The following RERE variants were observed in gnomAD, a reference collection of about 807,000 sequenced individuals.
The protein encoded by RERE is arginine-glutamic acid dipeptide repeats protein.
Under a neutral mutation model 146.1 loss-of-function variants are expected in RERE, and 40 were observed. The ratio of observed to expected loss-of-function variants is 0.27; its 90% CI spans 0.21 to 0.36. RERE has a LOEUF of 0.36. Ranked by LOEUF, RERE falls within the 10% of genes least tolerant of loss-of-function variation. The pLI is 1.00. For missense variants in RERE, 1,933 were observed against 2,138.7 expected, an observed-to-expected ratio of 0.90 and a Z score of 1.90; for synonymous variants, 1,003 against 866.0, an observed-to-expected ratio of 1.16 and a Z score of -2.78.
intron 4 of RERE, 63 bp from the exon 5 acceptor site, chr1:8,557,586 AC>A: frequency 9.6e-7 from 1 of 1,038,016 alleles, no homozygotes; most frequent in Non-Finnish European, 1.5e-6. Context: ...TGCATATCAT[AC>A]CCATGACCAA....
chr1:8,720,565 G>A (rs1639844688), intron 1 of RERE, among the ~76,000 whole-genome samples: 1 of 152,170 alleles, frequency 6.6e-6, no homozygotes, highest in Non-Finnish European at 1.5e-5. Context: ...ACGAGCAAGA[G>A]AGAGCAAGCG....
At chr1:8,607,725 C>CT (rs35349056) in intron 4 of RERE, among the ~76,000 whole-genome samples, 54,121 of 92,816 alleles carry the variant, frequency 0.58, 16,731 homozygotes, top group East Asian at 0.75. Context: ...CCATATCTGG[C>CT]TTTTTTTTTT....
intron 6 of RERE, among the ~76,000 whole-genome samples, chr1:8,541,625 C>A (rs1289918774): frequency 6.6e-6 from 1 of 151,972 alleles, no homozygotes; most frequent in Non-Finnish European, 1.5e-5. Context: ...AAAATTAAAA[C>A]CATTGTGAAT....
intron 1 of RERE, among the ~76,000 whole-genome samples, chr1:8,787,813 A>G (rs1641285576): frequency 2.1e-5 from 3 of 144,098 alleles, no homozygotes; most frequent in South Asian, 4.5e-4. Flanking sequence ...CCAGGGCAAC[A>G]GAGGAAGACT....
intron 7 of RERE, among the ~76,000 whole-genome samples, chr1:8,509,489 G>T (rs1025201573): frequency 6.6e-6 from 1 of 152,066 alleles, no homozygotes; most frequent in Non-Finnish European, 1.5e-5. Flanking sequence ...TATAAGCCAG[G>T]AATTGTCCTA....
At chr1:8,474,505 C>T (rs930462191) in intron 10 of RERE, among the ~76,000 whole-genome samples, 3 of 152,180 alleles carry the variant, frequency 2.0e-5, no homozygotes, top group Non-Finnish European at 4.4e-5. Context: ...ATAAACTCTG[C>T]GTATTACCAC....
chr1:8,794,634 T>A (rs1195431154), intron 1 of RERE, among the ~76,000 whole-genome samples: 1 of 152,088 alleles, frequency 6.6e-6, no homozygotes, highest in Non-Finnish European at 1.5e-5. Context: ...AGATGGCTCA[T>A]GCCTGTAATC....
chr1:8,765,861 A>G (rs1640835798), intron 1 of RERE, among the ~76,000 whole-genome samples: 1 of 152,234 alleles, frequency 6.6e-6, no homozygotes, highest in African/African-American at 2.4e-5. Context: ...CTGAGGCAAG[A>G]GAATCGCTTG....
chr1:8,499,064 C>T (rs114713605), intron 8 of RERE, among the ~76,000 whole-genome samples: 1,760 of 152,050 alleles, frequency 0.012, 34 homozygotes, highest in African/African-American at 0.04. Context: ...CCACACTCTG[C>T]TGGGACAGAG....
At chr1:8,484,939 G>A (rs964771983) in intron 10 of RERE, among the ~76,000 whole-genome samples, 7 of 152,112 alleles carry the variant, frequency 4.6e-5, no homozygotes, top group Non-Finnish European at 1.0e-4. Context: ...TAACATAAAT[G>A]AACAAACAAA....
chr1:8,735,277 G>GA (rs1640173507), intron 1 of RERE, among the ~76,000 whole-genome samples: 1 of 152,168 alleles, frequency 6.6e-6, no homozygotes, highest in East Asian at 1.9e-4. Context: ...AAACCTTCCA[G>GA]CAGTTAGCAT....
At chr1:8,713,539 G>C (rs1639709092) in intron 1 of RERE, among the ~76,000 whole-genome samples, 1 of 152,060 alleles carries the variant, frequency 6.6e-6, no homozygotes, top group Admixed American at 6.6e-5. Flanking sequence ...TTCAAGACCA[G>C]CCTCGCCAAC....
intron 1 of RERE, chr1:8,786,183 T>A: frequency 1.5e-6 from 1 of 662,660 alleles, no homozygotes; most frequent in Non-Finnish European, 2.7e-6. Context: ...AGAAAAATAA[T>A]TGTGGTAAAC....
chr1:8,557,091 T>G (rs985633074), intron 5 of RERE, among the ~76,000 whole-genome samples: 2 of 151,986 alleles, frequency 1.3e-5, no homozygotes, highest in Non-Finnish European at 2.9e-5. Flanking sequence ...AAGCTGTTTT[T>G]CATTGGTTTG....
intron 12 of RERE, among the ~76,000 whole-genome samples, chr1:8,394,167 G>A (rs909505712): frequency 6.6e-6 from 1 of 152,160 alleles, no homozygotes; most frequent in African/African-American, 2.4e-5. Flanking sequence ...TCTAATGCAG[G>A]TGGCTCTAAC....
intron 1 of RERE, among the ~76,000 whole-genome samples, chr1:8,787,571 G>T (rs1176914114): frequency 6.6e-6 from 1 of 152,118 alleles, no homozygotes; most frequent in African/African-American, 2.4e-5. Flanking sequence ...GCTCACACCT[G>T]TAATCCCAGC....
intron 12 of RERE, among the ~76,000 whole-genome samples, chr1:8,401,424 A>G (rs1643260328): frequency 6.6e-6 from 1 of 151,860 alleles, no homozygotes; most frequent in East Asian, 1.9e-4. Context: ...CCTGCGCAAC[A>G]GAGTGAGAAC....
At position 8,781,753 on chromosome 1, in the gene RERE, G is replaced by A. The variant is rs536432322; in HGVS notation, c.-145+35407C>T. Among the ~76,000 whole-genome samples, 18 of 151,362 alleles carry A rather than the reference G, an allele frequency of 1.2e-4. No individual in the cohort carries two copies. The South Asian group carries it at 3.6e-3, about 30-fold the overall frequency. On this transcript the variant is annotated intron_variant, in intron 1 of 22. Coordinates refer to ENST00000400908, the MANE Select transcript of RERE (RefSeq NM_001042681.2). ...CAAAAATGTAAGGCCAATTTCTACCGAGGCCTATTCCTTACAAAGAAAACT... is the reference window on the plus strand; with the variant it reads ...CAAAAATGTAAGGCCAATTTCTACCAAGGCCTATTCCTTACAAAGAAAACT...
chr1:8,366,043 C>T, intron 12 of RERE, 69 bp from the exon 13 acceptor site: 1 of 1,489,030 alleles, frequency 6.7e-7, no homozygotes. Flanking sequence ...ACCCTCTCTG[C>T]CACAGTGGAA....
Sources: gnomAD v4.1 joint callset for allele counts (sites outside exome capture counted in the v4.1 genomes callset) on GRCh38, gnomAD v4.1.1 for gene constraint, MANE v1.5 for transcripts, NCBI Gene and HGNC (gene_info 2026-07-23, HGNC 2026-07-21) for gene names.